Variants in HTR6 observed in about 807,000 individuals in gnomAD.
HTR6 encodes the protein 5-hydroxytryptamine (serotonin) receptor 6, G protein-coupled.
HTR6 carries 15 observed loss-of-function variants against 17.4 expected under a neutral mutation model. The ratio of observed to expected loss-of-function variants is 0.86; its 90% confidence interval spans 0.58 to 1.33. HTR6 has a LOEUF of 1.33. Among genes scored for constraint, HTR6 ranks in the 40% most tolerant of loss-of-function variants. The probability of loss-of-function intolerance (pLI) is 0.00; values close to 1 mark genes in which losing one functional copy is unlikely to be tolerated. For synonymous variants in HTR6, 326 were observed against 295.5 expected (o/e 1.10, Z -1.06); for missense variants, 578 against 616.0 (o/e 0.94, Z 0.65).
At chr1:19,674,753 C>T (rs1180888762) in intron 1 of HTR6, among the ~76,000 whole-genome samples, 2 of 152,206 alleles carry the variant, frequency 1.3e-5, no homozygotes, top group Non-Finnish European at 2.9e-5. Context: ...CCAATTTTTT[C>T]CTATCACAAG....
intron 1 of HTR6, among the ~76,000 whole-genome samples, chr1:19,671,912 TG>T (rs1290656936): frequency 1.3e-5 from 2 of 151,956 alleles, no homozygotes; most frequent in African/African-American, 2.4e-5. Flanking sequence ...GCACTGTGGC[TG>T]GGAGTGTGGG....
intron 2 of HTR6, 28 bp downstream of exon 2, chr1:19,678,753 T>C: frequency 6.3e-7 from 1 of 1,593,474 alleles, no homozygotes; most frequent in Non-Finnish European, 8.6e-7. Context: ...GGCAGGTGAG[T>C]CCGGCCCTTG....
chr1:19,669,206 C>CAGTA (rs2095084976), intron 1 of HTR6, among the ~76,000 whole-genome samples: 1 of 152,116 alleles, frequency 6.6e-6, no homozygotes, highest in African/African-American at 2.4e-5. Context: ...GCAGCGGTGC[C>CAGTA]AGTACCACAC....
Position 19,680,085 on chromosome 1 carries a change from G to A in HTR6, c.*717G>A, listed in dbSNP as rs185305422. On this transcript the variant is annotated 3_prime_UTR_variant, in exon 3 of 3. Transcript: ENST00000289753. The stretch of plus-strand genomic sequence containing the variant: ...ACCTATGAGCTCTGGGGCCTGACAC[G>A]AGTTATTTAACCTCTCCGAGCCTCG... Among the ~76,000 whole-genome samples the A allele has an allele frequency of 3.3e-4, 51 of 152,338 alleles. No homozygotes were observed. The highest frequency in any genetic ancestry group is 1.1e-3 in the African/African-American group (45 of 41,572).
At chr1:19,671,227 C>T (rs2095087594) in intron 1 of HTR6, among the ~76,000 whole-genome samples, 1 of 152,164 alleles carries the variant, frequency 6.6e-6, no homozygotes, top group Non-Finnish European at 1.5e-5. Context: ...ACACCAAGCC[C>T]TAAAGTGAAA....
At position 19,665,939 on chromosome 1, in the gene HTR6, C is replaced by T; in HGVS notation, c.186C>T (p.Asn62=). The T allele has an allele frequency of 1.9e-6, 3 of 1,613,844 alleles. No homozygotes were observed. Among genetic ancestry groups the T allele is most frequent in the Non-Finnish European group, 2.5e-6 (3 of 1,179,884 alleles). The change falls in exon 1 of 3, where the codon AAC becomes AAT. Residue 62 remains asparagine, a synonymous_variant. Transcript: ENST00000289753. This position sits in a 1 kb window ranked among gnomAD's most constrained non-coding sequence, Gnocchi z 4.2. ...AGCCCGCGCTGCGCAACACGTCCAACTTCTTCCTGGTGTCGCTCTTCACGT... is the reference window on the plus strand; with the variant it reads ...AGCCCGCGCTGCGCAACACGTCCAATTTCTTCCTGGTGTCGCTCTTCACGT... ...CTQPALRNTS[N]FFLVSLFTSD... is the part of the protein sequence containing the mutation.
Position 19,666,327 on chromosome 1 carries a change from G to A in HTR6, c.574G>A (p.Ala192Thr), listed in dbSNP as rs1301263482. The A allele has an allele frequency of 1.9e-6, 3 of 1,613,496 alleles. No individual in the cohort carries two copies. The highest frequency in any genetic ancestry group is 2.7e-5 in the African/African-American group (2 of 74,926). Residue 192 changes from alanine to threonine, a missense_variant, in exon 1 of 3, where the codon GCG (alanine) becomes ACG (threonine). Transcript: ENST00000289753. The surrounding 1 kb of genome is among the most constrained non-coding windows in gnomAD (Gnocchi z 4.5). ...GGCCAGCCTGCCTTTTGTCCTTGTG[G>A]CGTCGGGCCTCACCTTCTTCCTGCC... ...LLASLPFVLV[A>T]SGLTFFLPSG...
chr1:19,678,484 G>A (rs1302448488), intron 1 of HTR6, 83 bp from the exon 2 acceptor site: 8 of 1,524,942 alleles, frequency 5.2e-6, no homozygotes, highest in Non-Finnish European at 7.3e-6. Context: ...TCTAGAATTA[G>A]GATTGAAGCT....
chr1:19,671,771 G>C (rs146649129), intron 1 of HTR6, among the ~76,000 whole-genome samples: 2 of 152,214 alleles, frequency 1.3e-5, no homozygotes, highest in East Asian at 1.9e-4. Flanking sequence ...GAGCTGGTCA[G>C]CCTTGAGCAT....
In HTR6 at chr1:19,679,233, C is replaced by G; in HGVS notation, c.1188C>G (p.Ala396=). 4.4e-6 allele frequency: 7 copies of G among 1,577,120 alleles called. No homozygotes were observed. Among genetic ancestry groups the G allele is most frequent in the Non-Finnish European group, 5.2e-6 (6 of 1,163,932 alleles). Residue 396 remains alanine (A), a synonymous_variant, in exon 3 of 3, where the codon GCC becomes GCG. Coordinates refer to ENST00000289753, the MANE Select transcript of HTR6 (RefSeq NM_000871.3). The surrounding 1 kb of genome is among the most constrained non-coding windows in gnomAD (Gnocchi z 4.9). ...SGGSSGLRLT[A]QLLLPGEATQ... ...GCTCCTCGGGCCTGCGGCTCACGGC[C>G]CAGCTGCTGCTTCCTGGCGAGGCCA...
intron 1 of HTR6, among the ~76,000 whole-genome samples, chr1:19,674,870 C>A (rs1359761085): frequency 6.6e-6 from 1 of 152,192 alleles, no homozygotes; most frequent in African/African-American, 2.4e-5. Context: ...CCTGGATTGT[C>A]CTTCAGGAAG....
chr1:19,666,171 C>A lies in HTR6; in HGVS notation c.418C>A (p.Pro140Thr), dbSNP rs920140973. The A allele has an allele frequency of 3.1e-6, 5 of 1,610,864 alleles. No homozygotes were observed. In the African/African-American group the frequency reaches 4.0e-5, roughly 13 times the overall value. Residue 140 changes from proline to threonine, a missense_variant, in exon 1 of 3, where the codon CCC becomes ACC. Transcript: ENST00000289753. This position sits in a 1 kb window ranked among gnomAD's most constrained non-coding sequence, Gnocchi z 4.5. ...GCTGCGCTACAAGCTGCGCATGACG[C>A]CCCTGCGTGCCCTGGCCCTAGTCCT... ...SPLRYKLRMT[P>T]LRALALVLGA...
At position 19,666,143 on chromosome 1, in the gene HTR6, G is replaced by C; in HGVS notation, c.390G>C (p.Ser130=). ...ISLDRYLLIL[S]PLRYKLRMTP... ...TGGACCGCTACCTGCTCATCCTCTC[G>C]CCGCTGCGCTACAAGCTGCGCATGA... The change falls in exon 1 of 3, where the codon TCG becomes TCC. Residue 130 remains serine (S), a synonymous_variant. Transcript: ENST00000289753. This position sits in a 1 kb window ranked among gnomAD's most constrained non-coding sequence, Gnocchi z 4.5. 1 of 1,611,828 alleles carries C rather than the reference G, an allele frequency of 6.2e-7. No individual in the cohort carries two copies. Among genetic ancestry groups the C allele is most frequent in the Non-Finnish European group, 8.5e-7 (1 of 1,179,890 alleles).
At position 19,679,638 on chromosome 1, in the gene HTR6, T is replaced by C. The variant is rs1433328628; in HGVS notation, c.*270T>C. On this transcript the variant is annotated 3_prime_UTR_variant, in exon 3 of 3. Coordinates refer to ENST00000289753, the MANE Select transcript of HTR6 (RefSeq NM_000871.3). The surrounding 1 kb of genome is among the most constrained non-coding windows in gnomAD (Gnocchi z 4.9). ...AGGATGGGCTGGAGGACTCTGGATG[T>C]TGGGGAGAAGGACCTCTTGGTTCAG... 1 of 455,452 alleles carries C rather than the reference T, an allele frequency of 2.2e-6. No homozygotes were observed. The highest frequency in any genetic ancestry group is 3.8e-6 in the Non-Finnish European group (1 of 261,024). The allele number at this position is 455,452 out of a possible 1,614,324, so 28.2% of individuals were successfully genotyped here. A position where few individuals can be genotyped will look rare whatever the true frequency, so the allele number is the denominator to read the frequency against.
intron 1 of HTR6, among the ~76,000 whole-genome samples, chr1:19,671,102 T>C (rs542300174): frequency 6.4e-4 from 98 of 152,290 alleles, no homozygotes; most frequent in African/African-American, 2.3e-3. Context: ...CAGACATTAA[T>C]CATCAAACTG....
Position 19,680,229 on chromosome 1 carries a change from G to A in HTR6, c.*861G>A, listed in dbSNP as rs1265152062. Among the ~76,000 whole-genome samples, 4 of 152,176 alleles carry A rather than the reference G, an allele frequency of 2.6e-5. No individual in the cohort carries two copies. The highest frequency in any genetic ancestry group is 4.8e-5 in the African/African-American group (2 of 41,432). On this transcript the variant is annotated 3_prime_UTR_variant, in exon 3 of 3. Coordinates refer to ENST00000289753, the MANE Select transcript of HTR6 (RefSeq NM_000871.3). The stretch of plus-strand genomic sequence containing the variant: ...GTTAATTGGTACGTTCTGTTGTTAC[G>A]ACCCCCGGCTATCCAGCCCCCTGGC...
Position 19,679,030 on chromosome 1 carries a change from C to A in HTR6, c.985C>A (p.Arg329=), listed in dbSNP as rs779916381. 8.1e-6 allele frequency: 13 copies of A among 1,614,022 alleles called. No individual in the cohort carries two copies. The highest frequency in any genetic ancestry group is 1.1e-5 in the Non-Finnish European group (13 of 1,179,992). The change falls in exon 3 of 3, where the codon CGG becomes AGG. Residue 329 remains arginine (R), a synonymous_variant. Coordinates refer to ENST00000289753, the MANE Select transcript of HTR6 (RefSeq NM_000871.3). This position sits in a 1 kb window ranked among gnomAD's most constrained non-coding sequence, Gnocchi z 4.9. The part of the protein sequence containing the change: ...IYPLFMRDFK[R]ALGRFLPCPR... The stretch of plus-strand genomic sequence containing the variant: ...CCCACTCTTCATGCGGGACTTCAAG[C>A]GGGCGCTGGGCAGGTTCCTGCCATG...
rs1025511806 is a variant in HTR6 at position 19,665,477 on chromosome 1, G to T, written c.-277G>T. 1 of 383,470 alleles carries T rather than the reference G, an allele frequency of 2.6e-6. No homozygotes were observed. Among genetic ancestry groups the T allele is most frequent in the Admixed American group, 4.6e-5 (1 of 21,542 alleles). The allele number at this position is 383,470 out of a possible 1,614,324, so 23.8% of individuals were successfully genotyped here. ...TCCTTCAGGGGCCTCGGCTCATCGG[G>T]TGCCCCTCCCCAAACTTCCAACCCG... On this transcript the variant is annotated 5_prime_UTR_variant, in exon 1 of 3. Coordinates refer to ENST00000289753, the MANE Select transcript of HTR6 (RefSeq NM_000871.3). The surrounding 1 kb of genome is among the most constrained non-coding windows in gnomAD (Gnocchi z 4.2).
At position 19,667,402 on chromosome 1, in the gene HTR6, C is replaced by CT. The variant is rs559860719; in HGVS notation, c.714+945dup. On this transcript the variant is annotated intron_variant, in intron 1 of 2. Coordinates refer to ENST00000289753, the MANE Select transcript of HTR6 (RefSeq NM_000871.3). ...ACACATATTGAGATCAGTTTTTTTG[C>CT]TTTTTTTTTTGTTTTTGTTTTTGTT... is the stretch of plus-strand genomic sequence containing the variant. Among the ~76,000 whole-genome samples, 340 of 147,758 alleles carry CT rather than the reference C, an allele frequency of 2.3e-3. 2 individuals carry two copies. Among genetic ancestry groups the CT allele is most frequent in the African/African-American group, 4.7e-3 (191 of 40,374 alleles).
Sources: gnomAD v4.1 joint callset for allele counts (sites outside exome capture counted in the v4.1 genomes callset) on GRCh38, gnomAD v4.1.1 for gene constraint, Gnocchi (gnomAD v3.1) non-coding constraint, MANE v1.5 for transcripts, NCBI Gene and HGNC (gene_info 2026-07-23, HGNC 2026-07-21) for gene names.